PCSK2: variants seen among roughly 807,000 people sequenced by gnomAD.
The protein encoded by PCSK2 is proprotein convertase subtilisin/kexin type 2, also known as neuroendocrine convertase 2.
PCSK2 carries 14 observed loss-of-function variants against 69.7 expected under a neutral mutation model. The observed-to-expected ratio is 0.20, with a 90% CI of 0.13 to 0.31. The LOEUF is 0.31. PCSK2 is among the 10% of genes least tolerant of loss of function. The pLI is 1.00. For missense variants in PCSK2, 544 were observed against 842.5 expected (o/e 0.65, Z 4.39); for synonymous variants, 307 against 320.7 (o/e 0.96, Z 0.46).
chr20:17,230,074 T>A (rs1012236874), intron 1 of PCSK2, among the ~76,000 whole-genome samples: 1 of 152,240 alleles, frequency 6.6e-6, no homozygotes, highest in African/African-American at 2.4e-5. Context: ...TGTCTGTATT[T>A]ATTATCCCAG....
chr20:17,241,296 G>T (rs569738258), intron 1 of PCSK2, among the ~76,000 whole-genome samples: 12 of 152,294 alleles, frequency 7.9e-5, no homozygotes, highest in Admixed American at 6.5e-4. Flanking sequence ...AAGTAGTTTT[G>T]TCTGTCTAGA....
At chr20:17,381,706 T>C (rs542192554) in intron 5 of PCSK2, among the ~76,000 whole-genome samples, 1 of 152,290 alleles carries the variant, frequency 6.6e-6, no homozygotes, top group African/African-American at 2.4e-5. Flanking sequence ...AAATGGAACT[T>C]CTGAGAATGT....
intron 5 of PCSK2, among the ~76,000 whole-genome samples, chr20:17,381,982 G>A (rs986103358): frequency 6.6e-6 from 1 of 152,128 alleles, no homozygotes; most frequent in Non-Finnish European, 1.5e-5. Flanking sequence ...TAAAACCATG[G>A]CCAAGGCTAT....
At chr20:17,347,804 G>GAAAGA (rs1990692214) in intron 2 of PCSK2, among the ~76,000 whole-genome samples, 2 of 94,842 alleles carry the variant, frequency 2.1e-5, no homozygotes, top group South Asian at 7.4e-4. Flanking sequence ...AAGAAAGAAA[G>GAAAGA]AAAGAAAGAA....
intron 10 of PCSK2, among the ~76,000 whole-genome samples, chr20:17,460,978 A>T (rs1314641028): frequency 6.6e-6 from 1 of 152,134 alleles, no homozygotes; most frequent in Non-Finnish European, 1.5e-5. Context: ...AAAGTAACTT[A>T]TCCGAGTTCA....
intron 8 of PCSK2, among the ~76,000 whole-genome samples, chr20:17,443,939 AAATGGGAATAAATTTCCCCAAGC>A (rs1045662555): frequency 9.2e-5 from 14 of 152,352 alleles, no homozygotes; most frequent in South Asian, 8.3e-4. Flanking sequence ...TTTCCCCAAG[AAATGGGAATAAATTTCCCCAAGC>A]AATGGGAATA....
intron 5 of PCSK2, among the ~76,000 whole-genome samples, chr20:17,403,114 A>C (rs977198013): frequency 1.3e-5 from 2 of 152,230 alleles, no homozygotes; most frequent in African/African-American, 4.8e-5. Flanking sequence ...AGCAAGAAGA[A>C]AGTGATGGGA....
intron 2 of PCSK2, among the ~76,000 whole-genome samples, chr20:17,329,958 T>A (rs1229832665): frequency 6.6e-6 from 1 of 152,198 alleles, no homozygotes; most frequent in Non-Finnish European, 1.5e-5. Context: ...AAATGTAATG[T>A]GAGCCACAAC....
intron 1 of PCSK2, among the ~76,000 whole-genome samples, chr20:17,249,652 A>G (rs2122972406): frequency 6.6e-6 from 1 of 152,338 alleles, no homozygotes; most frequent in Middle Eastern, 3.4e-3. Flanking sequence ...ACAGGGTGGA[A>G]TATTTAACCG....
At chr20:17,457,855 G>T (rs572061417) in intron 10 of PCSK2, among the ~76,000 whole-genome samples, 1 of 152,258 alleles carries the variant, frequency 6.6e-6, no homozygotes, top group East Asian at 1.9e-4. Context: ...CAGAAGTCAG[G>T]ACTTGACTCA....
intron 6 of PCSK2, among the ~76,000 whole-genome samples, chr20:17,421,807 T>TAAAAAAAAAAAAAAAAAAA (rs56376793): frequency 2.5e-5 from 2 of 78,972 alleles, no homozygotes; most frequent in African/African-American, 5.0e-5. Context: ...GGAAGAGAGG[T>TAAAAAAAAAAAAAAAAAAA]AAAAAAAAAA....
chr20:17,290,060 A>G (rs1192094443), intron 2 of PCSK2, among the ~76,000 whole-genome samples: 1 of 152,216 alleles, frequency 6.6e-6, no homozygotes, highest in African/African-American at 2.4e-5. Context: ...TCTGTCATCA[A>G]TTTGGCAGGT....
At position 17,308,162 on chromosome 20, in the gene PCSK2, G is replaced by T. The variant is rs75834770; in HGVS notation, c.282+47818G>T. ...ACTTTTAAACAACGAGATCTCACAAGAACTCATTCACTGTCATGATAATGG... is the reference window on the plus strand; with the variant it reads ...ACTTTTAAACAACGAGATCTCACAATAACTCATTCACTGTCATGATAATGG... On this transcript the variant is annotated intron_variant, in intron 2 of 11. Coordinates refer to ENST00000262545, the MANE Select transcript of PCSK2 (RefSeq NM_002594.5). 2.6e-3 allele frequency among the ~76,000 whole-genome samples: 396 copies of T among 152,148 alleles called. 3 individuals are homozygous for T. The highest frequency in any genetic ancestry group is 9.2e-3 in the African/African-American group (382 of 41,430).
chr20:17,233,829 C>G (rs1986233372), intron 1 of PCSK2, among the ~76,000 whole-genome samples: 1 of 152,144 alleles, frequency 6.6e-6, no homozygotes, highest in South Asian at 2.1e-4. Flanking sequence ...TGTGACAATT[C>G]TAGCCTGTGT....
chr20:17,466,330 G>T (rs979212657), intron 11 of PCSK2, among the ~76,000 whole-genome samples: 3 of 152,322 alleles, frequency 2.0e-5, no homozygotes, highest in Admixed American at 2.0e-4. Context: ...TTGGAGTTAT[G>T]TTTGTGAGAT....
intron 6 of PCSK2, among the ~76,000 whole-genome samples, chr20:17,412,888 A>G (rs1271079127): frequency 6.6e-6 from 1 of 152,122 alleles, no homozygotes; most frequent in Non-Finnish European, 1.5e-5. Context: ...AACATTCTTA[A>G]AGAAAAGAAT....
chr20:17,465,621 CATA>C (rs1229488391), intron 11 of PCSK2, 68 bp downstream of exon 11: 6 of 901,856 alleles, frequency 6.7e-6, no homozygotes, highest in African/African-American at 3.3e-5. Context: ...ATGGCATTGG[CATA>C]ATATCACATT....
In PCSK2 at chr20:17,251,528, G is replaced by A. The variant is rs544887173; in HGVS notation, c.178-8712G>A. Among the ~76,000 whole-genome samples, 22 of 152,344 alleles carry A rather than the reference G, an allele frequency of 1.4e-4. 1 individual carries two copies. The South Asian group carries it at 4.4e-3, about 30-fold the overall frequency. On this transcript the variant is annotated intron_variant, in intron 1 of 11. Transcript: ENST00000262545. ...AGTCCAGGCCTGTCCCCCTGTGCCA[G>A]GGATGTCCCTTGAGAGCCTTTATCT...
chr20:17,464,461 T>G (rs1356135535), intron 10 of PCSK2: 1 of 152,190 alleles, frequency 6.6e-6, no homozygotes, highest in Non-Finnish European at 1.5e-5. Flanking sequence ...CTTGAAGAAC[T>G]GGTACCCTCC....
Sources: allele counts gnomAD v4.1 joint callset (sites outside exome capture counted in the v4.1 genomes callset), GRCh38; gene constraint gnomAD v4.1.1; transcripts MANE v1.5; gene names NCBI Gene and HGNC (gene_info 2026-07-23, HGNC 2026-07-21).